JAZF1: variants seen among roughly 807,000 people sequenced by gnomAD.
JAZF1 encodes the protein juxtaposed with another zinc finger protein 1.
In JAZF1, 8 loss-of-function variants were observed where a neutral mutation model predicts 26.4. The observed-to-expected ratio is 0.30, with a 90% CI of 0.18 to 0.55. The LOEUF is 0.55. Ranked by LOEUF, JAZF1 falls within the 20% of genes least tolerant of loss-of-function variation. The pLI, the probability that JAZF1 is intolerant of heterozygous loss-of-function variation, is 0.94. For synonymous variants in JAZF1, 126 were observed against 122.3 expected, an observed-to-expected ratio of 1.03 and a Z score of -0.20; for missense variants, 199 against 322.0, an observed-to-expected ratio of 0.62 and a Z score of 2.92.
At chr7:28,145,636 A>T (rs1783015766) in intron 1 of JAZF1, among the ~76,000 whole-genome samples, 1 of 152,198 alleles carries the variant, frequency 6.6e-6, no homozygotes, top group South Asian at 2.1e-4. Flanking sequence ...AACAATTTAT[A>T]TAAAATCAGA....
At chr7:28,086,272 AT>A (rs1784210657) in intron 1 of JAZF1, among the ~76,000 whole-genome samples, 1 of 152,238 alleles carries the variant, frequency 6.6e-6, no homozygotes, top group Non-Finnish European at 1.5e-5. Context: ...GTTGAAGGCA[AT>A]TAGAGCAGCC....
At chr7:28,014,903 A>C (rs1782859077) in intron 1 of JAZF1, among the ~76,000 whole-genome samples, 2 of 152,218 alleles carry the variant, frequency 1.3e-5, no homozygotes, top group African/African-American at 4.8e-5. Flanking sequence ...TCACCCACTC[A>C]ACAAGGATCA....
At chr7:27,849,425 T>C (rs1439358205) in intron 3 of JAZF1, among the ~76,000 whole-genome samples, 1 of 152,142 alleles carries the variant, frequency 6.6e-6, no homozygotes, top group Non-Finnish European at 1.5e-5. Context: ...ATGTTAGAGT[T>C]TCTGCAAGAA....
chr7:28,166,654 G>A (rs1231202546), intron 1 of JAZF1, among the ~76,000 whole-genome samples: 1 of 152,180 alleles, frequency 6.6e-6, no homozygotes, highest in African/African-American at 2.4e-5. Context: ...CTTTCCGAAA[G>A]AGAAAACTAT....
chr7:28,166,026 A>G (rs1357462231), intron 1 of JAZF1, among the ~76,000 whole-genome samples: 2 of 152,214 alleles, frequency 1.3e-5, no homozygotes, highest in Non-Finnish European at 2.9e-5. Flanking sequence ...TACTTATTAA[A>G]TCAGCCTGTT....
At chr7:28,041,077 T>C (rs1415736992) in intron 1 of JAZF1, among the ~76,000 whole-genome samples, 1 of 152,118 alleles carries the variant, frequency 6.6e-6, no homozygotes, top group Non-Finnish European at 1.5e-5. Flanking sequence ...GTGCCCTAGA[T>C]ATATGTGGCA....
At chr7:27,942,900 G>A (rs1018308357) in intron 2 of JAZF1, among the ~76,000 whole-genome samples, 1 of 152,176 alleles carries the variant, frequency 6.6e-6, no homozygotes, top group Non-Finnish European at 1.5e-5. Flanking sequence ...ATGGGGCAAG[G>A]GGTGCTGGGA....
chr7:27,951,568 G>T (rs931813603), intron 2 of JAZF1, among the ~76,000 whole-genome samples: 1 of 152,158 alleles, frequency 6.6e-6, no homozygotes, highest in Admixed American at 6.5e-5. Flanking sequence ...GTCCAGTTTT[G>T]TAAAATGAAT....
chr7:27,961,739 GA>G (rs1785187870), intron 2 of JAZF1, among the ~76,000 whole-genome samples: 1 of 152,150 alleles, frequency 6.6e-6, no homozygotes, highest in African/African-American at 2.4e-5. Context: ...ATAAAACAAG[GA>G]AACATTGTCA....
At chr7:28,132,569 GA>G (rs1390572761) in intron 1 of JAZF1, among the ~76,000 whole-genome samples, 2 of 152,134 alleles carry the variant, frequency 1.3e-5, no homozygotes, top group African/African-American at 4.8e-5. Context: ...TACACATAAG[GA>G]AGCAATTTCC....
At chr7:28,088,079 A>G (rs1341653543) in intron 1 of JAZF1, among the ~76,000 whole-genome samples, 1 of 152,172 alleles carries the variant, frequency 6.6e-6, no homozygotes, top group Non-Finnish European at 1.5e-5. Context: ...GATGCCCTAC[A>G]TTAACAGAAA....
At chr7:28,117,588 G>A (rs1238673728) in intron 1 of JAZF1, among the ~76,000 whole-genome samples, 1 of 151,948 alleles carries the variant, frequency 6.6e-6, no homozygotes, top group Non-Finnish European at 1.5e-5. Context: ...TACCCACTTG[G>A]CCCAATAAAA....
intron 1 of JAZF1, among the ~76,000 whole-genome samples, chr7:28,027,728 C>T (rs1783118214): frequency 6.6e-6 from 1 of 152,182 alleles, no homozygotes; most frequent in African/African-American, 2.4e-5. Context: ...TATATTATCT[C>T]AGTTAATCCT....
At chr7:28,152,035 A>G (rs781612253) in intron 1 of JAZF1, among the ~76,000 whole-genome samples, 35 of 152,128 alleles carry the variant, frequency 2.3e-4, no homozygotes, top group Non-Finnish European at 4.1e-4. Flanking sequence ...CAGCAGCTTC[A>G]TGTCTTTACG....
chr7:27,890,570 G>C (rs904560245), intron 3 of JAZF1, among the ~76,000 whole-genome samples: 1 of 152,110 alleles, frequency 6.6e-6, no homozygotes, highest in Non-Finnish European at 1.5e-5. Context: ...ACTGGAAAGA[G>C]CTTATTCTTT....
At chr7:27,973,404 C>T (rs1785413428) in intron 2 of JAZF1, among the ~76,000 whole-genome samples, 1 of 152,008 alleles carries the variant, frequency 6.6e-6, no homozygotes, top group Non-Finnish European at 1.5e-5. Context: ...CTCTGGTGAT[C>T]CTCCTCCCTC....
At chr7:27,853,061 G>A (rs1301755929) in intron 3 of JAZF1, among the ~76,000 whole-genome samples, 2 of 152,218 alleles carry the variant, frequency 1.3e-5, no homozygotes, top group Admixed American at 6.5e-5. Context: ...TCCCTGCGGT[G>A]ACGCCTTCCC....
At chr7:27,876,178 A>G (rs187806391) in intron 3 of JAZF1, among the ~76,000 whole-genome samples, 100 of 152,342 alleles carry the variant, frequency 6.6e-4, no homozygotes, top group Non-Finnish European at 1.2e-3. Context: ...TTACTCCTTT[A>G]GGGGGCTAAC....
intron 1 of JAZF1, among the ~76,000 whole-genome samples, chr7:28,125,102 A>T (rs1782673668): frequency 6.6e-6 from 1 of 151,046 alleles, no homozygotes; most frequent in Non-Finnish European, 1.5e-5. Flanking sequence ...TCTAATTATT[A>T]GTCACCACAC....
Sources: gnomAD v4.1 joint callset for allele counts (sites outside exome capture counted in the v4.1 genomes callset) on GRCh38, gnomAD v4.1.1 for gene constraint, MANE v1.5 for transcripts, NCBI Gene and HGNC (gene_info 2026-07-23, HGNC 2026-07-21) for gene names.